The following FAM107B variants were observed in gnomAD, a reference collection of about 807,000 sequenced individuals.
FAM107B encodes the protein family with sequence similarity 107 member B, also known as protein FAM107B.
In FAM107B, 21 loss-of-function variants were observed where a neutral mutation model predicts 31.5. The ratio of observed to expected loss-of-function variants is 0.67; its 90% confidence interval spans 0.47 to 0.96. The LOEUF (loss-of-function observed/expected upper bound fraction) is 0.96. FAM107B is among the 40% of genes least tolerant of loss of function. FAM107B has a pLI of 0.00. For missense variants in FAM107B, 452 were observed against 377.1 expected (o/e 1.20, Z -1.64); for synonymous variants, 157 against 141.5 (o/e 1.11, Z -0.78).
At chr10:14,540,885 G>A (rs1848120787) in intron 2 of FAM107B, among the ~76,000 whole-genome samples, 1 of 152,138 alleles carries the variant, frequency 6.6e-6, no homozygotes, top group Admixed American at 6.5e-5. Flanking sequence ...TGAAAGGACA[G>A]AGCCAACCCC....
intron 2 of FAM107B, among the ~76,000 whole-genome samples, chr10:14,601,311 G>A (rs1270042028): frequency 6.6e-6 from 1 of 152,104 alleles, no homozygotes; most frequent in Admixed American, 6.5e-5. Flanking sequence ...ATATGAGATG[G>A]GTAAGACTGT....
At chr10:14,672,678 T>C (rs75732074) in intron 1 of FAM107B, among the ~76,000 whole-genome samples, 216 of 152,282 alleles carry the variant, frequency 1.4e-3, no homozygotes, top group South Asian at 7.7e-3. Flanking sequence ...AGATGCCTCA[T>C]TGAAAGGGCA....
At chr10:14,672,718 G>A (rs1213779260) in intron 1 of FAM107B, among the ~76,000 whole-genome samples, 1 of 152,224 alleles carries the variant, frequency 6.6e-6, no homozygotes, top group Non-Finnish European at 1.5e-5. Flanking sequence ...TATACTTAGG[G>A]AGTTCAAGGT....
At chr10:14,558,181 G>T (rs549999525) in intron 2 of FAM107B, among the ~76,000 whole-genome samples, 21 of 137,422 alleles carry the variant, frequency 1.5e-4, no homozygotes, top group Admixed American at 3.6e-4. Context: ...CCCCACCAGT[G>T]TGTGTGTGCA....
At chr10:14,735,333 T>G (rs549816216) in intron 1 of FAM107B, among the ~76,000 whole-genome samples, 1 of 152,062 alleles carries the variant, frequency 6.6e-6, no homozygotes, top group African/African-American at 2.4e-5. Flanking sequence ...TGTTAGTGAA[T>G]CTTATGTGTG....
intron 1 of FAM107B, among the ~76,000 whole-genome samples, chr10:14,736,671 C>T (rs1353791110): frequency 6.6e-6 from 1 of 152,198 alleles, no homozygotes; most frequent in Non-Finnish European, 1.5e-5. Context: ...GTATAAACAT[C>T]ATAAATCATT....
intron 1 of FAM107B, among the ~76,000 whole-genome samples, chr10:14,761,677 G>A (rs1351329686): frequency 6.6e-6 from 1 of 152,052 alleles, no homozygotes; most frequent in African/African-American, 2.4e-5. Context: ...TCAGCTCACT[G>A]CAACCTCCAC....
intron 4 of FAM107B, 95 bp from the exon 5 acceptor site, chr10:14,521,401 C>A: frequency 1.0e-6 from 1 of 982,070 alleles, no homozygotes; most frequent in South Asian, 1.5e-5. Flanking sequence ...AACTTTACTT[C>A]CCCACAGAAT....
intron 1 of FAM107B, among the ~76,000 whole-genome samples, chr10:14,758,256 T>C (rs549318997): frequency 6.6e-6 from 1 of 152,222 alleles, no homozygotes; most frequent in African/African-American, 2.4e-5. Flanking sequence ...GTGGGAACTG[T>C]TTTCCTTAAG....
intron 2 of FAM107B, among the ~76,000 whole-genome samples, chr10:14,566,894 G>A (rs1850716169): frequency 6.6e-6 from 1 of 152,236 alleles, no homozygotes; most frequent in Non-Finnish European, 1.5e-5. Context: ...GCTCACGCCT[G>A]TAATCCCAGC....
At chr10:14,619,992 A>G (rs974016645) in intron 2 of FAM107B, among the ~76,000 whole-genome samples, 9 of 148,056 alleles carry the variant, frequency 6.1e-5, no homozygotes, top group African/African-American at 2.2e-4. Flanking sequence ...GTAAGTGTCT[A>G]TCTACGTCTG....
At chr10:14,647,578 G>A (rs1853789061) in intron 2 of FAM107B, among the ~76,000 whole-genome samples, 1 of 151,914 alleles carries the variant, frequency 6.6e-6, no homozygotes, top group African/African-American at 2.4e-5. Context: ...CAGCTACTCG[G>A]GAGGCTGAGG....
At chr10:14,557,593 T>C (rs7897858) in intron 2 of FAM107B, among the ~76,000 whole-genome samples, 119,968 of 152,086 alleles carry the variant, frequency 0.79, 48,071 homozygotes, top group East Asian at 0.89. Context: ...ATTATATCAA[T>C]GATGATGGTT....
At chr10:14,703,121 C>T (rs4748106) in intron 1 of FAM107B, among the ~76,000 whole-genome samples, 39,181 of 152,018 alleles carry the variant, frequency 0.26, 5,538 homozygotes, top group Middle Eastern at 0.41. Flanking sequence ...TGAGGTAAGG[C>T]CACAAAGGTT....
intron 2 of FAM107B, among the ~76,000 whole-genome samples, chr10:14,580,476 G>T: frequency 6.6e-6 from 1 of 151,862 alleles, no homozygotes; most frequent in South Asian, 2.1e-4. Flanking sequence ...TTTCCTGGGG[G>T]CCAGGACCAA....
intron 2 of FAM107B, among the ~76,000 whole-genome samples, chr10:14,567,540 A>G (rs1588609196): frequency 6.6e-6 from 1 of 152,188 alleles, no homozygotes; most frequent in South Asian, 2.1e-4. Flanking sequence ...AGGATCATAG[A>G]GAGGCAACTG....
chr10:14,662,266 A>G (rs1182329863), intron 2 of FAM107B, among the ~76,000 whole-genome samples: 2 of 152,118 alleles, frequency 1.3e-5, no homozygotes, highest in African/African-American at 4.8e-5. Flanking sequence ...CGGAGTCTTC[A>G]TTGACTGCTC....
intron 1 of FAM107B, among the ~76,000 whole-genome samples, chr10:14,696,128 C>T (rs1321573078): frequency 6.6e-6 from 1 of 152,108 alleles, no homozygotes; most frequent in Non-Finnish European, 1.5e-5. Context: ...TCCTAGATGG[C>T]CTTCACTGTT....
intron 2 of FAM107B, among the ~76,000 whole-genome samples, chr10:14,583,041 C>G (rs539864935): frequency 1.3e-5 from 2 of 149,398 alleles, no homozygotes; most frequent in African/African-American, 2.5e-5. Context: ...AAGCGGAGAT[C>G]GCGCCACTGC....
Sources: gnomAD v4.1 joint callset for allele counts (sites outside exome capture counted in the v4.1 genomes callset) on GRCh38, gnomAD v4.1.1 for gene constraint, MANE v1.5 for transcripts, NCBI Gene and HGNC (gene_info 2026-07-23, HGNC 2026-07-21) for gene names.